Variants in ESYT1 observed in about 807,000 individuals in gnomAD.
ESYT1 encodes the protein extended synaptotagmin 1, also known as extended synaptotagmin-1.
ESYT1 carries 116 observed loss-of-function variants against 154.2 expected under a neutral mutation model. The ratio of observed to expected loss-of-function variants is 0.75; its 90% confidence interval spans 0.65 to 0.88. ESYT1 has a LOEUF of 0.88. Ranked by LOEUF, ESYT1 falls within the 40% of genes least tolerant of loss-of-function variation. The pLI is 0.00. For synonymous variants in ESYT1, 500 were observed against 539.9 expected (o/e 0.93, Z 1.02); for missense variants, 1,264 against 1,379.3 (o/e 0.92, Z 1.32).
intron 22 of ESYT1, 118 bp downstream of exon 22, chr12:56,138,617 T>C: frequency 7.7e-7 from 1 of 1,290,748 alleles, no homozygotes; most frequent in Non-Finnish European, 1.1e-6. Context: ...CTGAGGGTAG[T>C]GCAGGGGTGG....
In ESYT1 at chr12:56,133,856, C is replaced by G; in HGVS notation, c.1456C>G (p.Arg486Gly). The G allele has an allele frequency of 6.2e-7, 1 of 1,614,124 alleles. No individual in the cohort carries two copies. Among genetic ancestry groups the G allele is most frequent in the Non-Finnish European group, 8.5e-7 (1 of 1,180,024 alleles). The change falls in exon 13 of 31, where the codon CGG becomes GGG. Residue 486 changes from arginine to glycine, a missense_variant. Arg to Gly is a moderately radical substitution (Grantham distance 125, BLOSUM62 -2). Coordinates refer to ENST00000394048, the MANE Select transcript of ESYT1 (RefSeq NM_015292.3). ...SAAILVVYLD[R>G]AQDLPLKKGN... ...TGCCATCTTAGTTGTCTACCTGGATCGGGCCCAGGATCTTCCTGTGAGTTT... is the reference window on the plus strand; with the variant it reads ...TGCCATCTTAGTTGTCTACCTGGATGGGGCCCAGGATCTTCCTGTGAGTTT...
rs577368857 is a variant in ESYT1 at position 56,137,563 on chromosome 12, G to T, written c.2003G>T (p.Gly668Val). Reference sequence around the variant, plus strand: ...ATTGCCAAAGACCGTTTCTTGGGGGGACTGGTGAAGGGCAAGTCAGACCCC... The same window carrying T: ...ATTGCCAAAGACCGTTTCTTGGGGGTACTGGTGAAGGGCAAGTCAGACCCC... ...DLIAKDRFLG[G>V]LVKGKSDPYV... Residue 668 changes from glycine to valine, a missense_variant, in exon 18 of 31, where the codon GGA becomes GTA. By Grantham distance (109) the Gly-to-Val change is moderately radical. Transcript: ENST00000394048. The T allele has an allele frequency of 6.2e-6, 10 of 1,614,204 alleles. No individual in the cohort carries two copies. The South Asian group carries it at 7.7e-5, about 12-fold the overall frequency.
chr12:56,128,751 T>A (rs760593993), intron 1 of ESYT1, 42 bp downstream of exon 1: 111 of 1,606,422 alleles, frequency 6.9e-5, no homozygotes, highest in Non-Finnish European at 8.7e-5. Flanking sequence ...ATAGCCCCCT[T>A]CCACCCCTTC....
rs190041269 is a variant in ESYT1, at chr12:56,137,480, C to G, written c.1939-19C>G. On this transcript the variant is annotated intron_variant, in intron 17 of 30. Coordinates refer to ENST00000394048, the MANE Select transcript of ESYT1 (RefSeq NM_015292.3). ...TCTCTCTCCCTTTGCCATCTGGCACCCCCCCGTCCCTTTTGCAGCATGTGC... is the reference window on the plus strand; with the variant it reads ...TCTCTCTCCCTTTGCCATCTGGCACGCCCCCGTCCCTTTTGCAGCATGTGC... 1.5e-4 allele frequency: 247 copies of G among 1,608,052 alleles called. 2 individuals are homozygous for G. The East Asian group carries it at 3.7e-3, about 24-fold the overall frequency.
rs1158166357 is a variant in ESYT1 at position 56,138,508 on chromosome 12, C to T, written c.2433+9C>T. 6.3e-7 allele frequency: 1 copy of T among 1,597,056 alleles called. No homozygotes were observed. The highest frequency in any genetic ancestry group is 2.3e-5 in the East Asian group (1 of 44,332). ...GGGCAGAGGACCTCCCGGTGAGATCCCGCTCCCCATGCCCCATAACTTCCT... is the reference window on the plus strand; with the variant it reads ...GGGCAGAGGACCTCCCGGTGAGATCTCGCTCCCCATGCCCCATAACTTCCT... On this transcript the variant is annotated intron_variant, in intron 22 of 30. Transcript: ENST00000394048.
At position 56,131,490 on chromosome 12, in the gene ESYT1, T is replaced by TG; in HGVS notation, c.729dup (p.Arg244AlafsTer44). The stretch of plus-strand genomic sequence containing the variant: ...TTCTTGCCTCAGCTACATGGCGTTT[T>TG]GCGGGTGATACTGGAGCCACTCATT... On this transcript the variant is annotated frameshift_variant, in exon 6 of 31. Transcript: ENST00000394048. LOFTEE classifies it high-confidence loss of function. 1 of 1,614,148 alleles carries TG rather than the reference T, an allele frequency of 6.2e-7. No individual in the cohort carries two copies. The highest frequency in any genetic ancestry group is 8.5e-7 in the Non-Finnish European group (1 of 1,180,022).
intron 1 of ESYT1, 65 bp from the exon 2 acceptor site, chr12:56,130,517 T>A (rs1220330919): frequency 1.9e-6 from 3 of 1,594,894 alleles, no homozygotes; most frequent in Admixed American, 1.7e-5. Context: ...ACCACCAGCA[T>A]CTTAGTAGGA....
Position 56,130,664 on chromosome 12 carries a change from T to TG in ESYT1, c.432+44dup, listed in dbSNP as rs141829655. 4.1e-4 allele frequency: 661 copies of TG among 1,613,836 alleles called. 5 individuals carry two copies. The African/African-American group carries it at 8.3e-3, about 20-fold the overall frequency. On this transcript the variant is annotated intron_variant, in intron 2 of 30. Coordinates refer to ENST00000394048, the MANE Select transcript of ESYT1 (RefSeq NM_015292.3). ...ATTTTTAGTCTTCATGAGGGGAGAA[T>TG]GGGAATTTGTTTCTTCTTGCCAGAC...
At chr12:56,133,906 T>C in intron 13 of ESYT1, 33 bp downstream of exon 13, 1 of 1,605,200 alleles carries the variant, frequency 6.2e-7, no homozygotes, top group Non-Finnish European at 8.5e-7. Flanking sequence ...GAGCCCTGGA[T>C]GTAACATTCC....
chr12:56,131,311 A>G lies in ESYT1; in HGVS notation c.709A>G (p.Met237Val), dbSNP rs746804081. The change falls in exon 5 of 31, where the codon ATG (methionine) becomes GTG (valine). Residue 237 changes from methionine to valine, a missense_variant. Transcript: ENST00000394048. The stretch of plus-strand genomic sequence containing the variant: ...TTTTTGCAAAGCAGGAGTCAAGGGC[A>G]TGCAGGTAGGCCAGATGTCAGGGGC... The part of the protein sequence containing the change: ...KYFCKAGVKG[M>V]QLHGVLRVIL... 6 of 1,614,108 alleles carry G rather than the reference A, an allele frequency of 3.7e-6. No individual in the cohort carries two copies. The African/African-American group carries it at 5.3e-5, about 14-fold the overall frequency.
At chr12:56,134,054 C>T (rs764535019) in intron 13 of ESYT1, 56 bp from the exon 14 acceptor site, 2 of 1,607,042 alleles carry the variant, frequency 1.2e-6, no homozygotes, top group South Asian at 2.2e-5. Flanking sequence ...CCTTCCTTCA[C>T]CAAAACCAAA....
chr12:56,137,671 T>C lies in ESYT1; in HGVS notation c.2111T>C (p.Phe704Ser), dbSNP rs748009149. The change falls in exon 18 of 31, where the codon TTT (phenylalanine) becomes TCT (serine). Residue 704 changes from phenylalanine (F) to serine (S), a missense_variant. Phe to Ser is a radical substitution (Grantham distance 155). Coordinates refer to ENST00000394048, the MANE Select transcript of ESYT1 (RefSeq NM_015292.3). The part of the protein sequence containing the change: ...EDLNPRWNEV[F>S]EVIVTSVPGQ... ...CTCAATCCCCGCTGGAATGAGGTTT[T>C]TGAGGTCAGAATTGAGTGGCTGTGA... 3 of 1,613,996 alleles carry C rather than the reference T, an allele frequency of 1.9e-6. No individual in the cohort carries two copies. In the Admixed American group the frequency reaches 5.0e-5, roughly 27 times the overall value.
rs541360017 is a variant in ESYT1, at chr12:56,142,356, G to C, written c.2664G>C (p.Gln888His). The change falls in exon 25 of 31, where the codon CAG becomes CAC. Residue 888 changes from glutamine (Q) to histidine (H), a missense_variant. Coordinates refer to ENST00000394048, the MANE Select transcript of ESYT1 (RefSeq NM_015292.3). This position sits in a 1 kb window ranked among gnomAD's most constrained non-coding sequence, Gnocchi z 4.1. ...LPLSELLVADQLCLDRWFTLS... is the reference protein window; with the variant it reads ...LPLSELLVADHLCLDRWFTLS... ...TCTCAGAGCTCCTCGTGGCTGACCA[G>C]CTCTGCTTGGACCGCTGGTTTACAC... The C allele has an allele frequency of 6.2e-7, 1 of 1,614,138 alleles. No homozygotes were observed. The highest frequency in any genetic ancestry group is 2.2e-5 in the East Asian group (1 of 44,886).
chr12:56,139,593 A>AT (rs760999686), intron 24 of ESYT1, among the ~76,000 whole-genome samples: 6,177 of 122,950 alleles, frequency 0.05, 193 homozygotes, highest in African/African-American at 0.1. Flanking sequence ...TTGAGGGTAG[A>AT]TTTTTTTTTT....
chr12:56,136,285 T>C (rs1433935124), intron 15 of ESYT1, among the ~76,000 whole-genome samples: 1 of 151,732 alleles, frequency 6.6e-6, no homozygotes, highest in Non-Finnish European at 1.5e-5. Flanking sequence ...TTCCAAATAG[T>C]GGGAGCAGAA....
intron 15 of ESYT1, 118 bp from the exon 16 acceptor site, chr12:56,136,626 A>C: frequency 2.5e-5 from 14 of 552,808 alleles, no homozygotes; most frequent in Non-Finnish European, 3.6e-5. Flanking sequence ...CCCTGAGTGG[A>C]GCAGGAGGTT....
Position 56,134,125 on chromosome 12 carries a change from A to G in ESYT1, c.1489A>G (p.Lys497Glu). ...AQDLPLKKGNKEPNPMVQLSI... is the reference protein window; with the variant it reads ...AQDLPLKKGNEEPNPMVQLSI... The stretch of plus-strand genomic sequence containing the variant: ...CCCACCACAGCTGAAGAAGGGGAAC[A>G]AGGAACCCAACCCTATGGTACAACT... Residue 497 changes from lysine (K) to glutamate (E), a missense_variant, in exon 14 of 31, where the codon AAG becomes GAG. By Grantham distance (56) the Lys-to-Glu change is moderately conservative. Coordinates refer to ENST00000394048, the MANE Select transcript of ESYT1 (RefSeq NM_015292.3). The G allele has an allele frequency of 6.2e-7, 1 of 1,614,168 alleles. No individual in the cohort carries two copies. Among genetic ancestry groups the G allele is most frequent in the Non-Finnish European group, 8.5e-7 (1 of 1,180,004 alleles).
chr12:56,132,709 T>C lies in ESYT1; in HGVS notation c.1162-10T>C, dbSNP rs558497104. The C allele has an allele frequency of 6.2e-7, 1 of 1,614,162 alleles. No individual in the cohort carries two copies. The highest frequency in any genetic ancestry group is 1.1e-5 in the South Asian group (1 of 91,082). ...GCCCCATGAGACACTCAGCCTTCTGTGTTCCCCAGGTGATGGTACACGAGG... is the reference window on the plus strand; with the variant it reads ...GCCCCATGAGACACTCAGCCTTCTGCGTTCCCCAGGTGATGGTACACGAGG... On this transcript the variant is annotated splice_polypyrimidine_tract_variant and intron_variant, in intron 9 of 30. Coordinates refer to ENST00000394048, the MANE Select transcript of ESYT1 (RefSeq NM_015292.3).
chr12:56,129,367 G>C (rs1870135626), intron 1 of ESYT1: 1 of 156,164 alleles, frequency 6.4e-6, no homozygotes, highest in African/African-American at 2.4e-5. Flanking sequence ...CTCCTCGGCC[G>C]GCCACACCCT....
Sources: allele counts gnomAD v4.1 joint callset (sites outside exome capture counted in the v4.1 genomes callset), GRCh38; gene constraint gnomAD v4.1.1; non-coding constraint Gnocchi (gnomAD v3.1); transcripts MANE v1.5; gene names NCBI Gene and HGNC (gene_info 2026-07-23, HGNC 2026-07-21).